The following GREM1 variants were observed in gnomAD, a reference collection of about 807,000 sequenced individuals.
The protein encoded by GREM1 is gremlin-1.
GREM1 carries 6 observed loss-of-function variants against 13.1 expected under a neutral mutation model. That is an observed-to-expected ratio of 0.46 (90% CI 0.25 to 0.91). GREM1 has a LOEUF of 0.91. Ranked by LOEUF, GREM1 falls within the 40% of genes least tolerant of loss-of-function variation. The pLI is 0.18. For synonymous variants in GREM1, 98 were observed against 93.7 expected (o/e 1.05, Z -0.27); for missense variants, 185 against 233.9 (o/e 0.79, Z 1.36).
chr15:32,718,340 A>C, intron 1 of GREM1, 179 bp downstream of exon 1: 1 of 525,942 alleles, frequency 1.9e-6, no homozygotes, highest in Non-Finnish European at 3.6e-6. Context: ...GAGGCCGCGG[A>C]CACCGTGACC....
chr15:32,726,559 G>A (rs1314497907), intron 1 of GREM1, among the ~76,000 whole-genome samples: 2 of 151,940 alleles, frequency 1.3e-5, no homozygotes, highest in Admixed American at 6.6e-5. Context: ...ATCTAAAATC[G>A]ACACCCTAAT....
chr15:32,727,838 A>C (rs1230150564), intron 1 of GREM1, among the ~76,000 whole-genome samples: 1 of 152,210 alleles, frequency 6.6e-6, no homozygotes, highest in African/African-American at 2.4e-5. Flanking sequence ...GCATTCCTAT[A>C]CACCAATAAT....
Position 32,730,744 on chromosome 15 carries a change from G to T in GREM1, c.54G>T (p.Leu18=). Residue 18 remains leucine (L), a synonymous_variant, in exon 2 of 2, where the codon CTG becomes CTT. Transcript: ENST00000651154. The stretch of plus-strand genomic sequence containing the variant: ...CCCTGCTTCTCCTCTTGGGGACCCT[G>T]CTGCCGGCTGCTGAAGGGAAAAAGA... ...VGALLLLLGT[L]LPAAEGKKKG... The T allele has an allele frequency of 6.2e-7, 1 of 1,602,248 alleles. No homozygotes were observed. Among genetic ancestry groups the T allele is most frequent in the South Asian group, 1.1e-5 (1 of 88,408 alleles).
At chr15:32,723,501 G>A (rs1413297374) in intron 1 of GREM1, among the ~76,000 whole-genome samples, 1 of 152,084 alleles carries the variant, frequency 6.6e-6, no homozygotes, top group East Asian at 1.9e-4. Context: ...ATAAACAAAG[G>A]TTGGCAACTC....
At position 32,731,550 on chromosome 15, in the gene GREM1, C is replaced by T; in HGVS notation, c.*305C>T. 1 of 427,526 alleles carries T rather than the reference C, an allele frequency of 2.3e-6. No individual in the cohort carries two copies. The highest frequency in any genetic ancestry group is 4.3e-6 in the Non-Finnish European group (1 of 231,742). The allele number at this position is 427,526 out of a possible 1,614,324, so 26.5% of individuals were successfully genotyped here. A position where few individuals can be genotyped will look rare whatever the true frequency, so the allele number is the denominator to read the frequency against. ...CCGGCTCACATCTAAAGGGGCGGGG[C>T]CGTGGTCTGGTTCTGACTTTGTGTT... is the stretch of plus-strand genomic sequence containing the variant. On this transcript the variant is annotated 3_prime_UTR_variant, in exon 2 of 2. Transcript: ENST00000651154.
rs1351428879 is a variant in GREM1 at position 32,739,586 on chromosome 15, CA to C, written c.*8343del. The C allele has an allele frequency of 6.6e-6, 1 of 152,206 alleles. No homozygotes were observed. Among genetic ancestry groups the C allele is most frequent in the Admixed American group, 6.5e-5 (1 of 15,288 alleles). 9.4% of individuals were successfully genotyped at this position (152,206 alleles called of 1,614,324 possible). A position where few individuals can be genotyped will look rare whatever the true frequency, so the allele number is the denominator to read the frequency against. On this transcript the variant is annotated 3_prime_UTR_variant, in exon 2 of 2. Transcript: ENST00000651154. ...TGGATAATGGGGCAGGTGACATCAG[CA>C]AGATGTTGTATTAGCAAATGCTGGA...
chr15:32,733,925 C>A lies in GREM1; in HGVS notation c.*2680C>A. 1 of 240,360 alleles carries A rather than the reference C, an allele frequency of 4.2e-6. No individual in the cohort carries two copies. The allele number at this position is 240,360 out of a possible 1,614,324, so 14.9% of individuals were successfully genotyped here. A position where few individuals can be genotyped will look rare whatever the true frequency, so the allele number is the denominator to read the frequency against. On this transcript the variant is annotated 3_prime_UTR_variant, in exon 2 of 2. Coordinates refer to ENST00000651154, the MANE Select transcript of GREM1 (RefSeq NM_013372.7). ...AAAGTTAAGAGTGTAAGTGAAAAATCTGGAGGAGAGGATAATTTCCACTGT... is the reference window on the plus strand; with the variant it reads ...AAAGTTAAGAGTGTAAGTGAAAAATATGGAGGAGAGGATAATTTCCACTGT...
rs1288182196 is a variant in GREM1 at position 32,739,191 on chromosome 15, T to C, written c.*7946T>C. ...CAAAAGAACTGCTACCCTGAAAGAA[T>C]TGTTGTAAGGCAAATACCCCTGTAA... On this transcript the variant is annotated 3_prime_UTR_variant, in exon 2 of 2. Transcript: ENST00000651154. 2.6e-5 allele frequency: 4 copies of C among 152,322 alleles called. No homozygotes were observed. The East Asian group carries it at 5.8e-4, about 22-fold the overall frequency. The allele number at this position is 152,322 out of a possible 1,614,324, so 9.4% of individuals were successfully genotyped here. A position where few individuals can be genotyped will look rare whatever the true frequency, so the allele number is the denominator to read the frequency against.
chr15:32,722,507 A>G (rs1231494150), intron 1 of GREM1, among the ~76,000 whole-genome samples: 1 of 152,256 alleles, frequency 6.6e-6, no homozygotes, highest in African/African-American at 2.4e-5. Context: ...AAACTTTCCC[A>G]AAGACATCAT....
rs1595857542 is a variant in GREM1, at chr15:32,738,619, A to T, written c.*7374A>T. On this transcript the variant is annotated 3_prime_UTR_variant, in exon 2 of 2. Transcript: ENST00000651154. ...ATTGAAAGGGATCCACAATAGCCAA[A>T]ATAATCTTAAAAAAGATTTTAAAAA... The T allele has an allele frequency of 6.6e-6, 1 of 152,196 alleles. No individual in the cohort carries two copies. Among genetic ancestry groups the T allele is most frequent in the South Asian group, 2.1e-4 (1 of 4,830 alleles). The allele number at this position is 152,196 out of a possible 1,614,324, so 9.4% of individuals were successfully genotyped here.
Position 32,738,083 on chromosome 15 carries a change from C to CCAAAA in GREM1, c.*6838_*6839insCAAAA. 5.3e-5 allele frequency: 1 copy of CCAAAA among 18,910 alleles called. No individual in the cohort carries two copies. Among genetic ancestry groups the CCAAAA allele is most frequent in the Non-Finnish European group, 8.6e-5 (1 of 11,650 alleles). The allele number at this position is 18,910 out of a possible 1,614,324, so 1.2% of individuals were successfully genotyped here. A position where few individuals can be genotyped will look rare whatever the true frequency, so the allele number is the denominator to read the frequency against. On this transcript the variant is annotated 3_prime_UTR_variant, in exon 2 of 2. Transcript: ENST00000651154. ...GGAGGTTCTACCTAGGGTAATTAGG[C>CCAAAA]AAAAAAAAAAAAAAAAAAAAAAAAA...
Position 32,730,558 on chromosome 15 carries a change from G to A in GREM1, c.-1-132G>A. ...ATAGTACCTAATTCATACAGGTACT[G>A]TGAGAAGTAAATGGAATATTTCACG... On this transcript the variant is annotated intron_variant, in intron 1 of 1. Transcript: ENST00000651154. 5 of 651,940 alleles carry A rather than the reference G, an allele frequency of 7.7e-6. 1 individual carries two copies. Among genetic ancestry groups the A allele is most frequent in the East Asian group, 5.7e-5 (2 of 35,384 alleles). 40.4% of individuals were successfully genotyped at this position (651,940 alleles called of 1,614,324 possible).
At chr15:32,727,341 T>TA (rs1410775159) in intron 1 of GREM1, among the ~76,000 whole-genome samples, 2 of 152,174 alleles carry the variant, frequency 1.3e-5, no homozygotes, top group East Asian at 3.9e-4. Flanking sequence ...TGGTTCAACA[T>TA]ACGCAAATCA....
rs548187689 is a variant in GREM1 at position 32,723,443 on chromosome 15, C to T, written c.-2+5282C>T. Among the ~76,000 whole-genome samples, 325 of 152,230 alleles carry T rather than the reference C, an allele frequency of 2.1e-3. 1 individual carries two copies. Among genetic ancestry groups the T allele is most frequent in the Non-Finnish European group, 3.2e-3 (220 of 68,016 alleles). On this transcript the variant is annotated intron_variant, in intron 1 of 1. Transcript: ENST00000651154. ...CAGAGCACTGCTGTTCTCTGAGAAGCTGAGGTCTCGATTGACATTCTTGAA... is the reference window on the plus strand; with the variant it reads ...CAGAGCACTGCTGTTCTCTGAGAAGTTGAGGTCTCGATTGACATTCTTGAA...
At position 32,733,211 on chromosome 15, in the gene GREM1, T is replaced by C. The variant is rs374959412; in HGVS notation, c.*1966T>C. The C allele has an allele frequency of 2.1e-3, 472 of 226,794 alleles. 8 individuals are homozygous for C. The South Asian group carries it at 0.043, about 21-fold the overall frequency. The allele number at this position is 226,794 out of a possible 1,614,324, so 14.0% of individuals were successfully genotyped here. ...ATACACTGTATGACCCCACCCCAAATCTTTGTATTGTCCACATTCTCCAAC... is the reference window on the plus strand; with the variant it reads ...ATACACTGTATGACCCCACCCCAAACCTTTGTATTGTCCACATTCTCCAAC... On this transcript the variant is annotated 3_prime_UTR_variant, in exon 2 of 2. Transcript: ENST00000651154.
chr15:32,733,059 G>C lies in GREM1; in HGVS notation c.*1814G>C, dbSNP rs2055648253. On this transcript the variant is annotated 3_prime_UTR_variant, in exon 2 of 2. Coordinates refer to ENST00000651154, the MANE Select transcript of GREM1 (RefSeq NM_013372.7). ...TCTCCCATCTAACAACTAAACAGGAGCCATTTCAAGGCGGGAGATATTTTA... is the reference window on the plus strand; with the variant it reads ...TCTCCCATCTAACAACTAAACAGGACCCATTTCAAGGCGGGAGATATTTTA... 2 of 230,224 alleles carry C rather than the reference G, an allele frequency of 8.7e-6. No homozygotes were observed. Among genetic ancestry groups the C allele is most frequent in the Non-Finnish European group, 1.9e-5 (2 of 106,862 alleles). The allele number at this position is 230,224 out of a possible 1,614,324, so 14.3% of individuals were successfully genotyped here.
At position 32,736,594 on chromosome 15, in the gene GREM1, T is replaced by C. The variant is rs913184241; in HGVS notation, c.*5349T>C. 6.6e-6 allele frequency: 1 copy of C among 152,218 alleles called. No individual in the cohort carries two copies. Among genetic ancestry groups the C allele is most frequent in the African/African-American group, 2.4e-5 (1 of 41,446 alleles). 9.4% of individuals were successfully genotyped at this position (152,218 alleles called of 1,614,324 possible). A position where few individuals can be genotyped will look rare whatever the true frequency, so the allele number is the denominator to read the frequency against. The stretch of plus-strand genomic sequence containing the variant: ...TCACACAGAGCTCCTTGGCAGAGAC[T>C]GGTTGAATTATTGATTCCAAGTGTT... On this transcript the variant is annotated 3_prime_UTR_variant, in exon 2 of 2. Transcript: ENST00000651154.
Position 32,744,002 on chromosome 15 carries a change from C to G in GREM1, c.*12757C>G, listed in dbSNP as rs1287239337. The G allele has an allele frequency of 2.6e-5, 4 of 152,156 alleles. No individual in the cohort carries two copies. The highest frequency in any genetic ancestry group is 9.7e-5 in the African/African-American group (4 of 41,416). 9.4% of individuals were successfully genotyped at this position (152,156 alleles called of 1,614,324 possible). A position where few individuals can be genotyped will look rare whatever the true frequency, so the allele number is the denominator to read the frequency against. ...GCAAGGATTGACAGCCATGACAGCA[C>G]AGTGCCTTTCATGACTTACTCTCCA... is the stretch of plus-strand genomic sequence containing the variant. On this transcript the variant is annotated 3_prime_UTR_variant, in exon 2 of 2. Coordinates refer to ENST00000651154, the MANE Select transcript of GREM1 (RefSeq NM_013372.7).
rs577240839 is a variant in GREM1 at position 32,736,012 on chromosome 15, C to G, written c.*4767C>G. On this transcript the variant is annotated 3_prime_UTR_variant, in exon 2 of 2. Coordinates refer to ENST00000651154, the MANE Select transcript of GREM1 (RefSeq NM_013372.7). ...TAACTTGCACTACTCTCATCTCCCC[C>G]TCTCCAGCTCCACAATAGCTTTGAA... The G allele has an allele frequency of 7.6e-4, 116 of 152,350 alleles. No individual in the cohort carries two copies. The highest frequency in any genetic ancestry group is 2.7e-3 in the African/African-American group (111 of 41,578). The allele number at this position is 152,350 out of a possible 1,614,324, so 9.4% of individuals were successfully genotyped here.
Sources: gnomAD v4.1 joint callset for allele counts (sites outside exome capture counted in the v4.1 genomes callset) on GRCh38, gnomAD v4.1.1 for gene constraint, MANE v1.5 for transcripts, NCBI Gene and HGNC (gene_info 2026-07-23, HGNC 2026-07-21) for gene names.